CACNA1D: variants seen among roughly 807,000 people sequenced by gnomAD.
The protein encoded by CACNA1D is voltage-dependent L-type calcium channel subunit alpha-1D.
In CACNA1D, 55 loss-of-function variants were observed where a neutral mutation model predicts 257.1. That is an observed-to-expected ratio of 0.21 (90% CI 0.17 to 0.27). The LOEUF (loss-of-function observed/expected upper bound fraction) is 0.27, where lower values mean the gene tolerates loss of function less well. Among genes scored for constraint, CACNA1D ranks in the 10% least tolerant of loss-of-function variants. The probability of loss-of-function intolerance (pLI) is 1.00; values close to 1 mark genes in which losing one functional copy is unlikely to be tolerated. For missense variants in CACNA1D, 1,876 were observed against 2,784.0 expected (o/e 0.67, Z 7.34); for synonymous variants, 980 against 1,014.9 (o/e 0.97, Z 0.65).
At chr3:53,747,981 G>A (rs1191177106) in intron 26 of CACNA1D, among the ~76,000 whole-genome samples, 1 of 152,176 alleles carries the variant, frequency 6.6e-6, no homozygotes, top group Admixed American at 6.5e-5. Flanking sequence ...CCAGCTCTGT[G>A]CAACATGGCA....
intron 8 of CACNA1D, among the ~76,000 whole-genome samples, chr3:53,676,592 A>T (rs2094379218): frequency 6.6e-6 from 1 of 152,200 alleles, no homozygotes; most frequent in Non-Finnish European, 1.5e-5. Context: ...CTCACGAGGA[A>T]ATGTTAGATG....
At chr3:53,781,332 G>A (rs1487392929) in intron 38 of CACNA1D, among the ~76,000 whole-genome samples, 1 of 152,162 alleles carries the variant, frequency 6.6e-6, no homozygotes, top group South Asian at 2.1e-4. Context: ...TGAATCCCAG[G>A]GTGAACCGTG....
Position 53,769,953 on chromosome 3 carries a change from C to A in CACNA1D, c.3871-20C>A. The A allele has an allele frequency of 6.3e-7, 1 of 1,597,434 alleles. No homozygotes were observed. Among genetic ancestry groups the A allele is most frequent in the South Asian group, 1.1e-5 (1 of 90,736 alleles). The stretch of plus-strand genomic sequence containing the variant: ...CCTTCCTGGTTCATTAATCCATTTT[C>A]AATCTTTGATTTCTTAAAGCCAACT... On this transcript the variant is annotated intron_variant, in intron 30 of 47. Coordinates refer to ENST00000350061, the MANE Select transcript of CACNA1D (RefSeq NM_001128840.3).
At chr3:53,674,382 G>A (rs983852146) in intron 8 of CACNA1D, among the ~76,000 whole-genome samples, 1 of 152,196 alleles carries the variant, frequency 6.6e-6, no homozygotes, top group Non-Finnish European at 1.5e-5. Flanking sequence ...AACTGTCCCT[G>A]TGATTCAGTT....
intron 3 of CACNA1D, among the ~76,000 whole-genome samples, chr3:53,509,069 T>C (rs1219705541): frequency 1.3e-5 from 2 of 152,140 alleles, no homozygotes; most frequent in Non-Finnish European, 2.9e-5. Context: ...GCTCATGTGA[T>C]GGAAATAAGG....
intron 3 of CACNA1D, among the ~76,000 whole-genome samples, chr3:53,541,041 C>T (rs1575804093): frequency 1.3e-5 from 2 of 152,096 alleles, no homozygotes; most frequent in Admixed American, 1.3e-4. Context: ...TGTGCGCGGC[C>T]GGCATGGTAT....
chr3:53,599,092 G>C (rs1304825993), intron 3 of CACNA1D, among the ~76,000 whole-genome samples: 1 of 151,950 alleles, frequency 6.6e-6, no homozygotes. Flanking sequence ...GTTTTCCAAT[G>C]AACGGAATCT....
At chr3:53,660,873 G>T (rs1189089390) in intron 5 of CACNA1D, among the ~76,000 whole-genome samples, 1 of 152,190 alleles carries the variant, frequency 6.6e-6, no homozygotes, top group Non-Finnish European at 1.5e-5. Flanking sequence ...TGGAGGGAGA[G>T]CCCCTAACAG....
chr3:53,641,752 C>T (rs766975498), intron 3 of CACNA1D, among the ~76,000 whole-genome samples: 38 of 152,044 alleles, frequency 2.5e-4, no homozygotes, highest in Non-Finnish European at 2.4e-4. Flanking sequence ...CAACAGAGAA[C>T]GGAAAAGATT....
chr3:53,769,384 G>A (rs2095353757), intron 30 of CACNA1D, among the ~76,000 whole-genome samples: 1 of 152,190 alleles, frequency 6.6e-6, no homozygotes, highest in African/African-American at 2.4e-5. Context: ...GGCAGCGAGG[G>A]TTTCTGTAGG....
At position 53,811,584 on chromosome 3, in the gene CACNA1D, C is replaced by T. The variant is rs927307472; in HGVS notation, c.*178C>T. On this transcript the variant is annotated 3_prime_UTR_variant, in exon 48 of 48. Coordinates refer to ENST00000350061, the MANE Select transcript of CACNA1D (RefSeq NM_001128840.3). This position sits in a 1 kb window ranked among gnomAD's most constrained non-coding sequence, Gnocchi z 4.2. ...CCATAAACCTGGTAGGAACAGGTCC[C>T]AAGCGGTTGAGCCTGGCAGAGTACC... 2 of 581,972 alleles carry T rather than the reference C, an allele frequency of 3.4e-6. No individual in the cohort carries two copies. The highest frequency in any genetic ancestry group is 3.7e-5 in the African/African-American group (2 of 53,588). The allele number at this position is 581,972 out of a possible 1,614,324, so 36.1% of individuals were successfully genotyped here.
At chr3:53,528,026 G>T (rs1365157240) in intron 3 of CACNA1D, among the ~76,000 whole-genome samples, 1 of 152,138 alleles carries the variant, frequency 6.6e-6, no homozygotes, top group Non-Finnish European at 1.5e-5. Context: ...GAGAAATCTA[G>T]TTTATTACTT....
At chr3:53,679,807 C>A (rs1023722886) in intron 8 of CACNA1D, 8 of 152,158 alleles carry the variant, frequency 5.3e-5, no homozygotes, top group Non-Finnish European at 1.5e-5. Context: ...CTTTTCTGAA[C>A]CATGAAGTAA....
intron 45 of CACNA1D, among the ~76,000 whole-genome samples, chr3:53,805,672 C>A (rs1393488726): frequency 1.3e-5 from 2 of 151,980 alleles, no homozygotes; most frequent in African/African-American, 4.8e-5. Context: ...AAGCCTTATC[C>A]TCCTCCCTCA....
At chr3:53,707,531 TAGAA>T (rs1208201848) in intron 9 of CACNA1D, among the ~76,000 whole-genome samples, 1 of 152,228 alleles carries the variant, frequency 6.6e-6, no homozygotes, top group African/African-American at 2.4e-5. Flanking sequence ...AATTTGCTAT[TAGAA>T]AGCTGGTGTT....
Position 53,781,571 on chromosome 3 carries a change from C to G in CACNA1D, c.4696C>G (p.Leu1566Val), listed in dbSNP as rs1425930112. ...CTTTTGTTTTTTGAATCCAGGGAAC[C>G]TGGAGCAAGCTAATGAAGAACTTCG... ...TALKIKTEGN[L>V]EQANEELRAV... The change falls in exon 39 of 48, where the codon CTG (leucine) becomes GTG (valine). Residue 1566 changes from leucine (L) to valine (V), a missense_variant. Coordinates refer to ENST00000350061, the MANE Select transcript of CACNA1D (RefSeq NM_001128840.3). 4 of 1,611,816 alleles carry G rather than the reference C, an allele frequency of 2.5e-6. No homozygotes were observed. Among genetic ancestry groups the G allele is most frequent in the Admixed American group, 3.3e-5 (2 of 59,992 alleles).
At chr3:53,798,419 T>C (rs1330694643) in intron 40 of CACNA1D, among the ~76,000 whole-genome samples, 1 of 152,216 alleles carries the variant, frequency 6.6e-6, no homozygotes, top group Non-Finnish European at 1.5e-5. Flanking sequence ...ATCCTGAGCC[T>C]GTGATCAGAG....
rs1295527850 is a variant in CACNA1D at position 53,723,932 on chromosome 3, T to C, written c.2033T>C (p.Phe678Ser). Residue 678 changes from phenylalanine to serine, a missense_variant, in exon 14 of 48, where the codon TTT becomes TCT. Around this residue, in one of 10 missense-constraint regions of CACNA1D, gnomAD observed 257 missense variants for 399.7 expected, o/e 0.64. Transcript: ENST00000350061. This position sits in a 1 kb window ranked among gnomAD's most constrained non-coding sequence, Gnocchi z 5.6. ...GMQLFGGKFN[F>S]DETQTKRSTF... The stretch of plus-strand genomic sequence containing the variant: ...CAGCTGTTTGGCGGCAAGTTTAATT[T>C]TGATGAAACGCAAACCAAGCGGAGC... 3 of 1,614,206 alleles carry C rather than the reference T, an allele frequency of 1.9e-6. No homozygotes were observed. The highest frequency in any genetic ancestry group is 1.3e-5 in the African/African-American group (1 of 75,042).
intron 3 of CACNA1D, among the ~76,000 whole-genome samples, chr3:53,595,798 T>G (rs1440436883): frequency 6.6e-6 from 1 of 152,082 alleles, no homozygotes; most frequent in Admixed American, 6.5e-5. Context: ...CCTCGATGAG[T>G]TTACAGTCTA....
Sources: gnomAD v4.1 joint callset for allele counts (sites outside exome capture counted in the v4.1 genomes callset) on GRCh38, gnomAD v4.1.1 for gene constraint, gnomAD v4.1.1 regional missense constraint, Gnocchi (gnomAD v3.1) non-coding constraint, MANE v1.5 for transcripts, NCBI Gene and HGNC (gene_info 2026-07-23, HGNC 2026-07-21) for gene names.